SNTG1: variants seen among roughly 807,000 people sequenced by gnomAD.
SNTG1 encodes syntrophin gamma 1.
A neutral mutation model predicts 74.7 loss-of-function variants in SNTG1; 39 were observed. That is an observed-to-expected ratio of 0.52 (90% CI 0.40 to 0.68). The LOEUF is 0.68. Among genes scored for constraint, SNTG1 ranks in the 30% least tolerant of loss-of-function variants. SNTG1 has a pLI of 0.00. For missense variants in SNTG1, 685 were observed against 609.5 expected, an observed-to-expected ratio of 1.12 and a Z score of -1.30; for synonymous variants, 254 against 217.1, an observed-to-expected ratio of 1.17 and a Z score of -1.49.
At chr8:50,600,534 C>T (rs563120635) in intron 13 of SNTG1, among the ~76,000 whole-genome samples, 76 of 152,056 alleles carry the variant, frequency 5.0e-4, no homozygotes, top group South Asian at 3.9e-3. Flanking sequence ...TATATGTCTA[C>T]GAATTTACCT....
chr8:50,085,563 C>T (rs944107713), intron 1 of SNTG1, among the ~76,000 whole-genome samples: 1 of 152,334 alleles, frequency 6.6e-6, no homozygotes, highest in Non-Finnish European at 1.5e-5. Context: ...CTTTCTGTCT[C>T]TACTCCTCTA....
At chr8:50,131,990 A>T (rs932636810) in intron 1 of SNTG1, among the ~76,000 whole-genome samples, 2 of 152,076 alleles carry the variant, frequency 1.3e-5, no homozygotes, top group Non-Finnish European at 2.9e-5. Flanking sequence ...TTGACCACAT[A>T]TGCATGTGCT....
intron 12 of SNTG1, among the ~76,000 whole-genome samples, chr8:50,589,481 T>C (rs1279508485): frequency 6.6e-6 from 1 of 152,150 alleles, no homozygotes; most frequent in Admixed American, 6.6e-5. Context: ...GCTCAACCAC[T>C]ACTTTCTATC....
chr8:50,610,636 A>T (rs1428938248), intron 13 of SNTG1, among the ~76,000 whole-genome samples: 1 of 152,074 alleles, frequency 6.6e-6, no homozygotes, highest in Non-Finnish European at 1.5e-5. Flanking sequence ...AGTTTATGCT[A>T]CTCACTCCTA....
chr8:50,713,650 T>A (rs897559052), intron 17 of SNTG1, among the ~76,000 whole-genome samples: 1 of 152,224 alleles, frequency 6.6e-6, no homozygotes. Context: ...TATATTTAAG[T>A]CTTACGTTTA....
At chr8:50,307,263 T>C (rs1320582096) in intron 2 of SNTG1, among the ~76,000 whole-genome samples, 1 of 152,098 alleles carries the variant, frequency 6.6e-6, no homozygotes, top group African/African-American at 2.4e-5. Context: ...TCTTAGGATA[T>C]GAATATGTCC....
At chr8:50,139,645 T>C (rs767836364) in intron 1 of SNTG1, among the ~76,000 whole-genome samples, 17 of 152,244 alleles carry the variant, frequency 1.1e-4, no homozygotes, top group Non-Finnish European at 1.6e-4. Context: ...TAGTATGCCC[T>C]ACTCTGGGAG....
chr8:50,104,296 G>T (rs964455978), intron 1 of SNTG1, among the ~76,000 whole-genome samples: 28 of 152,194 alleles, frequency 1.8e-4, no homozygotes, highest in Non-Finnish European at 3.7e-4. Context: ...TTGGGAGGGT[G>T]TATGTGTCGA....
rs57094954 is a variant in SNTG1, at chr8:50,145,972, TAA to T, written c.-102-26579_-102-26578del. ...CCTAGAACTTAAAGTATAATAATAA[TAA>T]AAAAAAAAAGAATGTTAGGTGGAAA... is the stretch of plus-strand genomic sequence containing the variant. On this transcript the variant is annotated intron_variant, in intron 1 of 18. Transcript: ENST00000642720. Among the ~76,000 whole-genome samples, 493 of 144,306 alleles carry T rather than the reference TAA, an allele frequency of 3.4e-3. 2 individuals are homozygous for T. Among genetic ancestry groups the T allele is most frequent in the African/African-American group, 0.011 (454 of 40,544 alleles). 94.7% of individuals were successfully genotyped at this position (144,306 alleles called of 152,430 possible).
intron 13 of SNTG1, among the ~76,000 whole-genome samples, chr8:50,650,992 C>T (rs371379058): frequency 1.8e-4 from 28 of 152,184 alleles, no homozygotes; most frequent in East Asian, 1.2e-3. Context: ...TGAGCCACTG[C>T]GCCTGGCCTC....
At chr8:50,258,038 A>G (rs1385739212) in intron 2 of SNTG1, among the ~76,000 whole-genome samples, 2 of 152,240 alleles carry the variant, frequency 1.3e-5, no homozygotes. Context: ...CATGAGCAGT[A>G]ATATGTCCTC....
chr8:49,944,578 T>C (rs1482790154), intron 1 of SNTG1, among the ~76,000 whole-genome samples: 1 of 68,906 alleles, frequency 1.5e-5, no homozygotes, highest in Non-Finnish European at 2.6e-5. Flanking sequence ...GGGACTGTTG[T>C]GGGGTGGGGG....
rs140276409 is a variant in SNTG1, at chr8:50,565,328, G to A, written c.810+12149G>A. On this transcript the variant is annotated intron_variant, in intron 12 of 18. Coordinates refer to ENST00000642720, the MANE Select transcript of SNTG1 (RefSeq NM_018967.5). ...AAATCTGAAAAGAGTATGGACTTTC[G>A]TTAATATTAGTGTATTCATATCATT... 7.2e-3 allele frequency among the ~76,000 whole-genome samples: 1,099 copies of A among 151,980 alleles called. 13 individuals carry two copies. The highest frequency in any genetic ancestry group is 0.023 in the African/African-American group (951 of 41,492).
rs529596010 is a variant in SNTG1, at chr8:50,020,149, T to C, written c.-103+107918T>C. Among the ~76,000 whole-genome samples, 7 of 152,314 alleles carry C rather than the reference T, an allele frequency of 4.6e-5. No individual in the cohort carries two copies. The East Asian group carries it at 1.2e-3, about 25-fold the overall frequency. On this transcript the variant is annotated intron_variant, in intron 1 of 18. Transcript: ENST00000642720. ...TGGAATGGTTATTTCTTACTGAGCA[T>C]TGACAAATCTGGAATCCTAAAGGAA...
chr8:50,102,563 A>G (rs1465416220), intron 1 of SNTG1, among the ~76,000 whole-genome samples: 1 of 144,998 alleles, frequency 6.9e-6, no homozygotes, highest in Non-Finnish European at 1.5e-5. Flanking sequence ...CTTTAGTTTA[A>G]TTAGATCCCA....
intron 15 of SNTG1, among the ~76,000 whole-genome samples, chr8:50,677,242 A>T (rs966218439): frequency 1.3e-5 from 2 of 152,028 alleles, no homozygotes; most frequent in Admixed American, 6.6e-5. Context: ...TAATTTTAAT[A>T]AAAATGTGAG....
At chr8:50,646,857 G>T (rs916770431) in intron 13 of SNTG1, among the ~76,000 whole-genome samples, 10 of 152,058 alleles carry the variant, frequency 6.6e-5, no homozygotes, top group Admixed American at 4.6e-4. Flanking sequence ...GTTGTATTCA[G>T]TGAGAAGACA....
At chr8:50,511,141 A>G (rs2129935779) in intron 9 of SNTG1, among the ~76,000 whole-genome samples, 1 of 152,280 alleles carries the variant, frequency 6.6e-6, no homozygotes, top group Non-Finnish European at 1.5e-5. Flanking sequence ...GTTTTAAAGA[A>G]CATCTTTATT....
In SNTG1 at chr8:50,249,425, G is replaced by T. The variant is rs1251208727; in HGVS notation, c.-28+76790G>T. ...GGCCTCACCTCAGCAGAGAGGTTTG[G>T]GGGCAGCCCCTGGACTCACATGTAC... On this transcript the variant is annotated intron_variant, in intron 2 of 18. Coordinates refer to ENST00000642720, the MANE Select transcript of SNTG1 (RefSeq NM_018967.5). Among the ~76,000 whole-genome samples, 3 of 152,306 alleles carry T rather than the reference G, an allele frequency of 2.0e-5. No homozygotes were observed. In the East Asian group the frequency reaches 5.8e-4, roughly 29 times the overall value.
Sources: allele counts gnomAD v4.1 joint callset (sites outside exome capture counted in the v4.1 genomes callset), GRCh38; gene constraint gnomAD v4.1.1; transcripts MANE v1.5; gene names NCBI Gene and HGNC (gene_info 2026-07-23, HGNC 2026-07-21).